The following FAM53B variants were observed in gnomAD, a reference collection of about 807,000 sequenced individuals.
FAM53B encodes family with sequence similarity 53 member B, also known as protein FAM53B.
In FAM53B, 12 loss-of-function variants were observed where a neutral mutation model predicts 32.7. The observed-to-expected ratio is 0.37, with a 90% confidence interval of 0.24 to 0.59. The LOEUF is 0.59. Ranked by LOEUF, FAM53B falls within the 20% of genes least tolerant of loss-of-function variation. The pLI is 0.72. For synonymous variants in FAM53B, 234 were observed against 228.7 expected (o/e 1.02, Z -0.21); for missense variants, 477 against 577.7 (o/e 0.83, Z 1.79).
rs553326086 is a variant in FAM53B at position 124,700,229 on chromosome 10, G to C, written c.79-4017C>G. ...TTCCTGCTTGGCTCTAGGTTGGCCA[G>C]GGCCTTTTTTTCCCCAGGCTTCCCA... is the stretch of plus-strand genomic sequence containing the variant. On this transcript the variant is annotated intron_variant, in intron 2 of 4. Coordinates refer to ENST00000337318, the MANE Select transcript of FAM53B (RefSeq NM_014661.4). Among the ~76,000 whole-genome samples, 6 of 152,324 alleles carry C rather than the reference G, an allele frequency of 3.9e-5. No individual in the cohort carries two copies. The South Asian group carries it at 1.2e-3, about 32-fold the overall frequency.
chr10:124,692,808 G>C (rs1424438867), intron 3 of FAM53B, among the ~76,000 whole-genome samples: 1 of 151,708 alleles, frequency 6.6e-6, no homozygotes, highest in Non-Finnish European at 1.5e-5. Context: ...AGGAGGCTGA[G>C]CTACTTGAAA....
At chr10:124,646,297 G>T (rs1392916189) in intron 4 of FAM53B, among the ~76,000 whole-genome samples, 1 of 152,234 alleles carries the variant, frequency 6.6e-6, no homozygotes, top group African/African-American at 2.4e-5. Context: ...GTGCCTTCAA[G>T]AATGTTTCCA....
Position 124,682,917 on chromosome 10 carries a change from C to T in FAM53B, c.134-538G>A, listed in dbSNP as rs926760099. On this transcript the variant is annotated intron_variant, in intron 3 of 4. Transcript: ENST00000337318. This position sits in a 1 kb window ranked among gnomAD's most constrained non-coding sequence, Gnocchi z 5.2. ...CTGGGGCACTGCCAGGTTAGTTCAC[C>T]CCAATTCCACCTTGAAAGCCTTTGC... is the stretch of plus-strand genomic sequence containing the variant. 6.6e-6 allele frequency among the ~76,000 whole-genome samples: 1 copy of T among 152,256 alleles called. No homozygotes were observed. Among genetic ancestry groups the T allele is most frequent in the Non-Finnish European group, 1.5e-5 (1 of 68,052 alleles).
chr10:124,623,131 G>C lies in FAM53B; in HGVS notation c.*111C>G. 7.2e-7 allele frequency: 1 copy of C among 1,391,972 alleles called. No individual in the cohort carries two copies. The highest frequency in any genetic ancestry group is 1.4e-5 in the South Asian group (1 of 71,110). 86.2% of individuals were successfully genotyped at this position (1,391,972 alleles called of 1,614,324 possible). A position where few individuals can be genotyped will look rare whatever the true frequency, so the allele number is the denominator to read the frequency against. ...CTCTCTGGGACCCGACACCACTCAG[G>C]AAGCTTTCATCAGGCCCACGAGTTG... On this transcript the variant is annotated 3_prime_UTR_variant, in exon 5 of 5. Transcript: ENST00000337318.
chr10:124,740,274 C>G (rs1165444699), intron 1 of FAM53B, among the ~76,000 whole-genome samples: 1 of 152,128 alleles, frequency 6.6e-6, no homozygotes, highest in Non-Finnish European at 1.5e-5. Context: ...CCAAATCTTG[C>G]CCCAAAACGC....
chr10:124,639,490 C>A (rs568123702), intron 4 of FAM53B, among the ~76,000 whole-genome samples: 8 of 152,282 alleles, frequency 5.3e-5, no homozygotes, highest in Admixed American at 1.3e-4. Flanking sequence ...CTCGAGGCAG[C>A]TGTGCAGGCT....
At chr10:124,655,274 C>T (rs1949581484) in intron 4 of FAM53B, among the ~76,000 whole-genome samples, 1 of 152,154 alleles carries the variant, frequency 6.6e-6, no homozygotes, top group Non-Finnish European at 1.5e-5. Context: ...TCCTGGACAC[C>T]ACCCAGTCTC....
chr10:124,722,364 C>A (rs906845071), intron 1 of FAM53B, among the ~76,000 whole-genome samples: 3 of 151,982 alleles, frequency 2.0e-5, no homozygotes, highest in African/African-American at 7.2e-5. Context: ...GCTTTGGGAG[C>A]CCAACACATC....
chr10:124,706,953 C>A, intron 1 of FAM53B, 66 bp from the exon 2 acceptor site: 3 of 1,356,650 alleles, frequency 2.2e-6, no homozygotes, highest in Non-Finnish European at 2.9e-6. Flanking sequence ...GAGAGTCACC[C>A]CTCCCACAGT....
At chr10:124,683,481 G>A (rs1949785208) in intron 3 of FAM53B, among the ~76,000 whole-genome samples, 2 of 152,180 alleles carry the variant, frequency 1.3e-5, no homozygotes, top group African/African-American at 4.8e-5. Flanking sequence ...TATTTGGTAG[G>A]TATTTAAATG....
chr10:124,681,543 C>A, intron 4 of FAM53B, 64 bp downstream of exon 4: 3 of 1,410,542 alleles, frequency 2.1e-6, no homozygotes, highest in Non-Finnish European at 2.8e-6. Flanking sequence ...TTGTCTAGGA[C>A]GGCCCAGAAC....
intron 4 of FAM53B, among the ~76,000 whole-genome samples, chr10:124,637,544 C>A (rs1949441386): frequency 2.0e-5 from 3 of 152,166 alleles, no homozygotes; most frequent in South Asian, 2.1e-4. Flanking sequence ...AGGCCAGATC[C>A]CATCTTGAGC....
intron 4 of FAM53B, among the ~76,000 whole-genome samples, chr10:124,647,036 G>T (rs567456157): frequency 6.6e-6 from 1 of 152,324 alleles, no homozygotes; most frequent in South Asian, 2.1e-4. Flanking sequence ...AAGGAGAACA[G>T]CCTCCACCTC....
chr10:124,733,599 T>C lies in FAM53B; in HGVS notation c.-175+10414A>G, dbSNP rs1459616357. 6.6e-6 allele frequency among the ~76,000 whole-genome samples: 1 copy of C among 152,206 alleles called. No individual in the cohort carries two copies. The highest frequency in any genetic ancestry group is 1.9e-4 in the East Asian group (1 of 5,200). Reference sequence around the variant, plus strand: ...AACGCCAGAACTTTGACTTCTTTAGTTCCAGCGCAGCACAGACAAGAAGTT... The same window carrying C: ...AACGCCAGAACTTTGACTTCTTTAGCTCCAGCGCAGCACAGACAAGAAGTT... On this transcript the variant is annotated intron_variant, in intron 1 of 4. Coordinates refer to ENST00000337318, the MANE Select transcript of FAM53B (RefSeq NM_014661.4). The surrounding 1 kb of genome is among the most constrained non-coding windows in gnomAD (Gnocchi z 4.3).
At position 124,682,978 on chromosome 10, in the gene FAM53B, C is replaced by A. The variant is rs1205588110; in HGVS notation, c.134-599G>T. Among the ~76,000 whole-genome samples, 2 of 152,250 alleles carry A rather than the reference C, an allele frequency of 1.3e-5. No individual in the cohort carries two copies. Among genetic ancestry groups the A allele is most frequent in the Non-Finnish European group, 2.9e-5 (2 of 68,046 alleles). Reference sequence around the variant, plus strand: ...AGCTGGAACTTGTACTGATTTAGGTCACCTCCGTCAAAATGCTCAACATCA... The same window carrying A: ...AGCTGGAACTTGTACTGATTTAGGTAACCTCCGTCAAAATGCTCAACATCA... On this transcript the variant is annotated intron_variant, in intron 3 of 4. Transcript: ENST00000337318. The surrounding 1 kb of genome is among the most constrained non-coding windows in gnomAD (Gnocchi z 5.2).
chr10:124,736,334 C>T (rs1028803962), intron 1 of FAM53B, among the ~76,000 whole-genome samples: 3 of 152,270 alleles, frequency 2.0e-5, no homozygotes, highest in African/African-American at 7.2e-5. Context: ...GCGGTTCCTA[C>T]GGCCCGGTCC....
At chr10:124,661,922 T>C (rs1000210735) in intron 4 of FAM53B, among the ~76,000 whole-genome samples, 5 of 152,246 alleles carry the variant, frequency 3.3e-5, no homozygotes, top group African/African-American at 1.2e-4. Flanking sequence ...GTGAGATCCC[T>C]GCTGCCATCC....
At chr10:124,673,291 C>A (rs1564874004) in intron 4 of FAM53B, among the ~76,000 whole-genome samples, 1 of 152,164 alleles carries the variant, frequency 6.6e-6, no homozygotes, top group Non-Finnish European at 1.5e-5. Context: ...TTAAAACCCT[C>A]TAATGCTTCT....
At chr10:124,656,634 C>T (rs1193598090) in intron 4 of FAM53B, among the ~76,000 whole-genome samples, 2 of 152,154 alleles carry the variant, frequency 1.3e-5, no homozygotes, top group Non-Finnish European at 2.9e-5. Context: ...ACAACACGAC[C>T]CTCCCGAAGG....
Sources: allele counts gnomAD v4.1 joint callset (sites outside exome capture counted in the v4.1 genomes callset), GRCh38; gene constraint gnomAD v4.1.1; non-coding constraint Gnocchi (gnomAD v3.1); transcripts MANE v1.5; gene names NCBI Gene and HGNC (gene_info 2026-07-23, HGNC 2026-07-21).